DPH6: variants seen among roughly 807,000 people sequenced by gnomAD.
The protein encoded by DPH6 is diphthamine biosynthesis 6.
Under a neutral mutation model 38.2 loss-of-function variants are expected in DPH6, and 33 were observed. That is an observed-to-expected ratio of 0.86 (90% CI 0.65 to 1.15). DPH6 has a LOEUF of 1.15. DPH6 is among the 50% of genes most tolerant of loss of function. The pLI, the probability that DPH6 is intolerant of heterozygous loss-of-function variation, is 0.00. For synonymous variants in DPH6, 108 were observed against 103.0 expected (o/e 1.05, Z -0.30); for missense variants, 325 against 320.0 (o/e 1.02, Z -0.12).
chr15:35,481,690 G>A (rs573492044), intron 3 of DPH6, among the ~76,000 whole-genome samples: 24 of 152,078 alleles, frequency 1.6e-4, no homozygotes, highest in African/African-American at 4.8e-4. Context: ...GATTTGCTTC[G>A]AAAGAATAAT....
At chr15:35,340,637 A>G (rs2052413605) in intron 3 of DPH6, among the ~76,000 whole-genome samples, 1 of 152,134 alleles carries the variant, frequency 6.6e-6, no homozygotes. Context: ...TTGCTTATGA[A>G]GCTTAGTTTG....
At chr15:35,521,512 A>C (rs1300597506) in intron 3 of DPH6, 12 of 1,218,742 alleles carry the variant, frequency 9.8e-6, no homozygotes, top group Admixed American at 8.6e-5. Context: ...TGCTGATAGG[A>C]CTATGAAGAG....
intron 3 of DPH6, among the ~76,000 whole-genome samples, chr15:35,474,362 T>A (rs1388314479): frequency 6.6e-6 from 1 of 152,114 alleles, no homozygotes; most frequent in East Asian, 1.9e-4. Flanking sequence ...CATAAACATA[T>A]GGAATTACAC....
intron 1 of DPH6, among the ~76,000 whole-genome samples, chr15:35,542,973 T>C (rs1359121806): frequency 7.4e-6 from 1 of 135,038 alleles, no homozygotes; most frequent in Admixed American, 7.5e-5. Flanking sequence ...TATAAAATAA[T>C]TTCATAGAAA....
At chr15:35,522,661 A>G (rs2054938973) in intron 3 of DPH6, among the ~76,000 whole-genome samples, 1 of 152,146 alleles carries the variant, frequency 6.6e-6, no homozygotes, top group Non-Finnish European at 1.5e-5. Context: ...CTTTCCCCCA[A>G]TACCATTCAG....
At chr15:35,281,531 C>T (rs2051899510) in intron 3 of DPH6, among the ~76,000 whole-genome samples, 1 of 152,080 alleles carries the variant, frequency 6.6e-6, no homozygotes, top group Admixed American at 6.5e-5. Context: ...AAGCAGGAGG[C>T]TGGAAGCCAG....
At chr15:35,185,724 CTTTTTTT>C in the DPH6 span, among the ~76,000 whole-genome samples, 1,731 of 83,038 alleles carry the variant, frequency 0.021, 35 homozygotes, top group African/African-American at 0.067. Flanking sequence ...CCAATCCACT[CTTTTTTT>C]TTTTTTTTTT....
intron 6 of DPH6, among the ~76,000 whole-genome samples, chr15:35,397,535 C>T (rs1391353110): frequency 6.6e-6 from 1 of 152,042 alleles, no homozygotes; most frequent in Non-Finnish European, 1.5e-5. Context: ...ACAGCATTAA[C>T]CAATTTATCA....
intron 3 of DPH6, among the ~76,000 whole-genome samples, chr15:35,496,309 C>T (rs1231342599): frequency 6.6e-6 from 1 of 151,618 alleles, no homozygotes; most frequent in East Asian, 1.9e-4. Flanking sequence ...AATCCCAGCA[C>T]TTTGGGAGGC....
At chr15:35,165,318 T>C in the DPH6 span, among the ~76,000 whole-genome samples, 1 of 151,936 alleles carries the variant, frequency 6.6e-6, no homozygotes, top group Non-Finnish European at 1.5e-5. Context: ...CAATGCCTCA[T>C]CTTATTATAT....
the DPH6 span, among the ~76,000 whole-genome samples, chr15:35,204,755 CAA>C: frequency 5.3e-5 from 8 of 151,892 alleles, no homozygotes; most frequent in South Asian, 1.7e-3. Context: ...TAGTCTCTCC[CAA>C]CATACAAAAT....
chr15:35,428,381 A>C (rs2053594356), intron 5 of DPH6, among the ~76,000 whole-genome samples: 1 of 152,032 alleles, frequency 6.6e-6, no homozygotes, highest in Admixed American at 6.6e-5. Flanking sequence ...TCATCCTTTA[A>C]GGGTGGAGCC....
intron 2 of DPH6, among the ~76,000 whole-genome samples, chr15:35,540,107 A>G (rs576203024): frequency 6.6e-6 from 1 of 152,258 alleles, no homozygotes; most frequent in African/African-American, 2.4e-5. Context: ...TGTTAGCATA[A>G]TAAGTAAAAC....
chr15:35,169,594 A>C, the DPH6 span: 1 of 152,150 alleles, frequency 6.6e-6, no homozygotes, highest in African/African-American at 2.4e-5. Flanking sequence ...AAGGACACTG[A>C]ACCAGAACTC....
the DPH6 span, among the ~76,000 whole-genome samples, chr15:35,197,155 C>A: frequency 1.3e-5 from 2 of 151,966 alleles, no homozygotes; most frequent in African/African-American, 4.8e-5. Context: ...AAAATGAAAC[C>A]AAAAACTCGT....
intron 3 of DPH6, among the ~76,000 whole-genome samples, chr15:35,260,364 C>G (rs944255077): frequency 6.6e-6 from 1 of 151,992 alleles, no homozygotes; most frequent in Non-Finnish European, 1.5e-5. Context: ...CCTCGGCCTC[C>G]CAAAGTGTTC....
chr15:35,421,457 C>T (rs2053503925), intron 5 of DPH6, among the ~76,000 whole-genome samples: 1 of 152,120 alleles, frequency 6.6e-6, no homozygotes, highest in Non-Finnish European at 1.5e-5. Context: ...ATGATAATAA[C>T]TGCTGGTGAT....
At chr15:35,222,539 G>A (rs889819217) in intron 3 of DPH6, among the ~76,000 whole-genome samples, 31 of 152,098 alleles carry the variant, frequency 2.0e-4, no homozygotes, top group African/African-American at 7.5e-4. Context: ...CAACTTGAAG[G>A]GGGGGGTTTC....
intron 3 of DPH6, among the ~76,000 whole-genome samples, chr15:35,457,064 C>G (rs1312322924): frequency 6.6e-6 from 1 of 152,090 alleles, no homozygotes. Context: ...AGCGATTCTT[C>G]TGCCTCAGCC....
Sources: allele counts gnomAD v4.1 joint callset (sites outside exome capture counted in the v4.1 genomes callset), GRCh38; gene constraint gnomAD v4.1.1; transcripts MANE v1.5; gene names NCBI Gene and HGNC (gene_info 2026-07-23, HGNC 2026-07-21).